The following CDH12 variants were observed in gnomAD, a reference collection of about 807,000 sequenced individuals.
The protein encoded by CDH12 is cadherin 12.
In CDH12, 41 loss-of-function variants were observed where a neutral mutation model predicts 74.1. The ratio of observed to expected loss-of-function variants is 0.55; its 90% CI spans 0.43 to 0.72. The LOEUF is 0.72. Ranked by LOEUF, CDH12 falls within the 30% of genes least tolerant of loss-of-function variation. The pLI, the probability that CDH12 is intolerant of heterozygous loss-of-function variation, is 0.00. For synonymous variants in CDH12, 399 were observed against 355.0 expected, an observed-to-expected ratio of 1.12 and a Z score of -1.39; for missense variants, 945 against 977.2, an observed-to-expected ratio of 0.97 and a Z score of 0.44.
At chr5:22,556,030 T>C (rs1215453623) in intron 1 of CDH12, among the ~76,000 whole-genome samples, 1 of 151,580 alleles carries the variant, frequency 6.6e-6, no homozygotes, top group Non-Finnish European at 1.5e-5. Context: ...CACAATCAGC[T>C]ACATTCCTTT....
At chr5:22,688,032 C>A (rs998426955) in intron 1 of CDH12, among the ~76,000 whole-genome samples, 7 of 152,020 alleles carry the variant, frequency 4.6e-5, no homozygotes, top group African/African-American at 1.7e-4. Context: ...GAATAGAAAG[C>A]ACCGAGAATT....
At chr5:22,823,587 A>C (rs1427631634) in intron 1 of CDH12, among the ~76,000 whole-genome samples, 3 of 152,066 alleles carry the variant, frequency 2.0e-5, no homozygotes, top group African/African-American at 7.2e-5. Flanking sequence ...ATACTAATAC[A>C]AATCCTGATA....
At chr5:22,757,273 T>G (rs1360759649) in intron 1 of CDH12, among the ~76,000 whole-genome samples, 1 of 152,214 alleles carries the variant, frequency 6.6e-6, no homozygotes, top group Non-Finnish European at 1.5e-5. Flanking sequence ...TTATGGTGTT[T>G]AAATGTTTGC....
At chr5:21,828,445 A>T (rs528199226) in intron 8 of CDH12, among the ~76,000 whole-genome samples, 129 of 152,264 alleles carry the variant, frequency 8.5e-4, no homozygotes, top group Non-Finnish European at 1.7e-3. Flanking sequence ...ATTTTAAGTT[A>T]GCTGGGGATA....
At chr5:22,687,423 T>C (rs781698056) in intron 1 of CDH12, among the ~76,000 whole-genome samples, 54 of 152,348 alleles carry the variant, frequency 3.5e-4, no homozygotes, top group South Asian at 1.0e-3. Flanking sequence ...TTTTGTTTTT[T>C]TTGAGACAGG....
Position 22,721,603 on chromosome 5 carries a change from A to T in CDH12, c.-523+131455T>A, listed in dbSNP as rs373610859. Among the ~76,000 whole-genome samples, 7 of 152,176 alleles carry T rather than the reference A, an allele frequency of 4.6e-5. No homozygotes were observed. In the East Asian group the frequency reaches 5.8e-4, roughly 13 times the overall value. On this transcript the variant is annotated intron_variant, in intron 1 of 14. Transcript: ENST00000382254. ...GACTTTGGAGGACTGTTGAGAAGGCATGATTGGTTTTGAAATGTAAGGACA... is the reference window on the plus strand; with the variant it reads ...GACTTTGGAGGACTGTTGAGAAGGCTTGATTGGTTTTGAAATGTAAGGACA...
At chr5:22,108,046 T>G (rs944335648) in intron 4 of CDH12, among the ~76,000 whole-genome samples, 1 of 152,176 alleles carries the variant, frequency 6.6e-6, no homozygotes, top group Non-Finnish European at 1.5e-5. Context: ...TTAAGAATAA[T>G]GCATGATATT....
In CDH12 at chr5:21,917,284, A is replaced by G. The variant is rs115711924; in HGVS notation, c.526+57807T>C. On this transcript the variant is annotated intron_variant, in intron 6 of 14. Transcript: ENST00000382254. ...ATATGGGAATCCCCTGGGAGCCTCA[A>G]AAACTCCCAATGTCTGTGCCCCATG... 4.6e-3 allele frequency among the ~76,000 whole-genome samples: 693 copies of G among 152,304 alleles called. 8 individuals carry two copies. Among genetic ancestry groups the G allele is most frequent in the African/African-American group, 0.016 (668 of 41,574 alleles).
At chr5:22,426,824 C>T (rs2126510586) in intron 2 of CDH12, among the ~76,000 whole-genome samples, 1 of 152,256 alleles carries the variant, frequency 6.6e-6, no homozygotes, top group East Asian at 1.9e-4. Flanking sequence ...TTTAGGAAAG[C>T]CACACTGTAA....
rs1420015528 is a variant in CDH12, at chr5:21,911,047, C to T, written c.527-56257G>A. 2.0e-5 allele frequency among the ~76,000 whole-genome samples: 3 copies of T among 152,136 alleles called. No individual in the cohort carries two copies. The East Asian group carries it at 5.8e-4, about 29-fold the overall frequency. On this transcript the variant is annotated intron_variant, in intron 6 of 14. Transcript: ENST00000382254. Reference sequence around the variant, plus strand: ...GTAGTGTTTCAAAGAAATTATTTTGCAAAGTTAATTTACAAGAGATAAAAA... The same window carrying T: ...GTAGTGTTTCAAAGAAATTATTTTGTAAAGTTAATTTACAAGAGATAAAAA...
intron 4 of CDH12, among the ~76,000 whole-genome samples, chr5:22,165,503 CACACACACAT>C (rs1297586663): frequency 2.5e-4 from 3 of 11,898 alleles, no homozygotes; most frequent in African/African-American, 4.3e-4. Context: ...CATACACATA[CACACACACAT>C]ACACACACAC....
At chr5:22,144,258 A>G (rs1379514802) in intron 4 of CDH12, 1 of 152,222 alleles carries the variant, frequency 6.6e-6, no homozygotes, top group Non-Finnish European at 1.5e-5. Context: ...AAGATTTGAA[A>G]AACAGTAAAT....
chr5:22,780,619 T>A (rs984578859), intron 1 of CDH12, among the ~76,000 whole-genome samples: 1 of 152,068 alleles, frequency 6.6e-6, no homozygotes, highest in Non-Finnish European at 1.5e-5. Flanking sequence ...ACTGCCCCCA[T>A]GATTCAATTA....
chr5:22,321,644 T>TAA (rs540108647), intron 3 of CDH12, among the ~76,000 whole-genome samples: 1 of 151,284 alleles, frequency 6.6e-6, no homozygotes, highest in African/African-American at 2.4e-5. Flanking sequence ...TAAAGTATAA[T>TAA]AAAAAAAATA....
In CDH12 at chr5:21,924,070, C is replaced by G. The variant is rs1251451692; in HGVS notation, c.526+51021G>C. On this transcript the variant is annotated intron_variant, in intron 6 of 14. Transcript: ENST00000382254. ...GTTTTTCCACTTGAAGTCATCAGTG[C>G]TCAAACTGTAACAACACCACTAATG... Among the ~76,000 whole-genome samples the G allele has an allele frequency of 1.6e-4, 24 of 152,126 alleles. 1 individual carries two copies. The highest frequency in any genetic ancestry group is 1.6e-3 in the Admixed American group (24 of 15,266).
intron 1 of CDH12, among the ~76,000 whole-genome samples, chr5:22,509,981 G>A (rs560366295): frequency 5.3e-5 from 8 of 151,292 alleles, no homozygotes; most frequent in Non-Finnish European, 1.0e-4. Context: ...CTTTCACAAC[G>A]TAAGACCCTA....
intron 1 of CDH12, among the ~76,000 whole-genome samples, chr5:22,807,816 G>GTTCCA (rs1748893591): frequency 6.8e-6 from 1 of 146,248 alleles, no homozygotes; most frequent in African/African-American, 2.8e-5. Flanking sequence ...GGAGCTTGCA[G>GTTCCA]TTCCTGAAGT....
chr5:22,369,748 T>C (rs1741194122), intron 3 of CDH12, among the ~76,000 whole-genome samples: 1 of 152,194 alleles, frequency 6.6e-6, no homozygotes, highest in Non-Finnish European at 1.5e-5. Context: ...GAGTAAAATT[T>C]ACAGGCAAAT....
rs538934269 is a variant in CDH12 at position 22,367,491 on chromosome 5, A to T, written c.-333+37766T>A. Reference sequence around the variant, plus strand: ...TAGTTGGTTATAGTTTCAGAATTGGATTTGTGTTATTTGGAATAAAATTTA... The same window carrying T: ...TAGTTGGTTATAGTTTCAGAATTGGTTTTGTGTTATTTGGAATAAAATTTA... On this transcript the variant is annotated intron_variant, in intron 3 of 14. Transcript: ENST00000382254. Among the ~76,000 whole-genome samples, 14 of 152,208 alleles carry T rather than the reference A, an allele frequency of 9.2e-5. No homozygotes were observed. The East Asian group carries it at 2.7e-3, about 29-fold the overall frequency.
Sources: allele counts gnomAD v4.1 joint callset (sites outside exome capture counted in the v4.1 genomes callset), GRCh38; gene constraint gnomAD v4.1.1; transcripts MANE v1.5; gene names NCBI Gene and HGNC (gene_info 2026-07-23, HGNC 2026-07-21).